OPCML: variants seen among roughly 807,000 people sequenced by gnomAD.
OPCML encodes the protein opioid-binding protein/cell adhesion molecule.
In OPCML, 13 loss-of-function variants were observed where a neutral mutation model predicts 37.8. The observed-to-expected ratio is 0.34, with a 90% CI of 0.22 to 0.55. OPCML has a LOEUF of 0.55. Among genes scored for constraint, OPCML ranks in the 20% least tolerant of loss-of-function variants. The pLI is 0.91. For missense variants in OPCML, 341 were observed against 435.6 expected, an observed-to-expected ratio of 0.78 and a Z score of 1.93; for synonymous variants, 176 against 168.8, an observed-to-expected ratio of 1.04 and a Z score of -0.33.
At chr11:132,455,921 T>C (rs555001899) in intron 4 of OPCML, among the ~76,000 whole-genome samples, 1 of 152,312 alleles carries the variant, frequency 6.6e-6, no homozygotes, top group South Asian at 2.1e-4. Context: ...TTATTGACTG[T>C]CAAACTTAAG....
intron 1 of OPCML, among the ~76,000 whole-genome samples, chr11:133,526,627 T>C (rs1034546842): frequency 6.6e-6 from 1 of 152,194 alleles, no homozygotes; most frequent in African/African-American, 2.4e-5. Flanking sequence ...AATACCACCA[T>C]CTTGGGGTAT....
intron 3 of OPCML, among the ~76,000 whole-genome samples, chr11:132,594,793 C>A (rs1261883141): frequency 1.3e-5 from 2 of 152,114 alleles, no homozygotes; most frequent in African/African-American, 4.8e-5. Context: ...GTCTGATCTT[C>A]ATAAATGAAT....
Position 133,468,724 on chromosome 11 carries a change from G to T in OPCML, c.61+63540C>A, listed in dbSNP as rs372902247. On this transcript the variant is annotated intron_variant, in intron 1 of 7. Coordinates refer to ENST00000524381, the MANE Select transcript of OPCML (RefSeq NM_001012393.5). ...GAGAGAAAAAGGCTTTTTGACAAGCGTTCAAGAGCTCACTTCACAAACACT... is the reference window on the plus strand; with the variant it reads ...GAGAGAAAAAGGCTTTTTGACAAGCTTTCAAGAGCTCACTTCACAAACACT... 4.8e-4 allele frequency among the ~76,000 whole-genome samples: 73 copies of T among 152,262 alleles called. 3 individuals carry two copies. In the South Asian group the frequency reaches 0.014, roughly 30 times the overall value.
chr11:132,625,175 T>TGGG (rs770037498), intron 3 of OPCML, among the ~76,000 whole-genome samples: 49 of 152,182 alleles, frequency 3.2e-4, no homozygotes, highest in Non-Finnish European at 5.7e-4. Context: ...GCCTCCTGTC[T>TGGG]GTTCATTGTT....
At chr11:132,646,663 G>A (rs1047335513) in intron 3 of OPCML, among the ~76,000 whole-genome samples, 6 of 152,104 alleles carry the variant, frequency 3.9e-5, no homozygotes, top group Non-Finnish European at 5.9e-5. Flanking sequence ...TGATAGAGAA[G>A]CAAAAGAGAA....
intron 1 of OPCML, among the ~76,000 whole-genome samples, chr11:132,947,802 C>G (rs1319665081): frequency 6.6e-6 from 1 of 152,200 alleles, no homozygotes; most frequent in Non-Finnish European, 1.5e-5. Flanking sequence ...AACATCATGA[C>G]TAAGAGTATC....
At chr11:132,635,973 C>A (rs140585491) in intron 3 of OPCML, among the ~76,000 whole-genome samples, 8 of 152,042 alleles carry the variant, frequency 5.3e-5, no homozygotes, top group Admixed American at 3.9e-4. Context: ...TACTCCCCCC[C>A]GGATACAAGA....
At chr11:133,066,881 G>A (rs1445990021) in intron 1 of OPCML, 1 of 152,174 alleles carries the variant, frequency 6.6e-6, no homozygotes, top group Admixed American at 6.5e-5. Context: ...GTTTCACAAT[G>A]TTGGCCATGC....
At chr11:133,120,645 G>T (rs1386370928) in intron 1 of OPCML, among the ~76,000 whole-genome samples, 7 of 152,216 alleles carry the variant, frequency 4.6e-5, no homozygotes, top group African/African-American at 1.7e-4. Flanking sequence ...CCTGGCTTCA[G>T]TGACTGTGCT....
rs79728860 is a variant in OPCML, at chr11:132,870,794, G to T, written c.146+72132C>A. 7.7e-3 allele frequency among the ~76,000 whole-genome samples: 1,178 copies of T among 152,250 alleles called. 22 individuals are homozygous for T. Among genetic ancestry groups the T allele is most frequent in the African/African-American group, 0.026 (1,073 of 41,534 alleles). On this transcript the variant is annotated intron_variant, in intron 2 of 7. Transcript: ENST00000524381. Reference sequence around the variant, plus strand: ...GAGTACATTACATTAAGTGAAATAAGCCAGGCATAGAAAGAAAAGTGTTGT... The same window carrying T: ...GAGTACATTACATTAAGTGAAATAATCCAGGCATAGAAAGAAAAGTGTTGT...
intron 2 of OPCML, among the ~76,000 whole-genome samples, chr11:132,829,425 G>A (rs150543922): frequency 6.6e-6 from 1 of 152,278 alleles, no homozygotes; most frequent in Non-Finnish European, 1.5e-5. Flanking sequence ...TACTGAATGA[G>A]TCAATTAATG....
At chr11:133,053,349 C>T (rs966755438) in intron 1 of OPCML, among the ~76,000 whole-genome samples, 3 of 152,216 alleles carry the variant, frequency 2.0e-5, no homozygotes, top group African/African-American at 7.2e-5. Flanking sequence ...ATAAACATCC[C>T]AAACCCTCTC....
intron 1 of OPCML, among the ~76,000 whole-genome samples, chr11:132,969,390 T>A (rs1470029219): frequency 1.3e-5 from 2 of 152,218 alleles, no homozygotes; most frequent in Non-Finnish European, 2.9e-5. Flanking sequence ...TTCCCTATGA[T>A]GCTTATGGGT....
intron 3 of OPCML, among the ~76,000 whole-genome samples, chr11:132,560,561 G>T (rs931543792): frequency 2.6e-5 from 4 of 152,058 alleles, no homozygotes; most frequent in Non-Finnish European, 4.4e-5. Flanking sequence ...ATACATCTTT[G>T]TTTTCTCATA....
chr11:133,001,442 C>T (rs1023281070), intron 1 of OPCML, among the ~76,000 whole-genome samples: 1 of 152,186 alleles, frequency 6.6e-6, no homozygotes, highest in Non-Finnish European at 1.5e-5. Context: ...TGTTTTTCAT[C>T]TGGATGCTAT....
chr11:133,144,098 G>C (rs748687574), intron 1 of OPCML, among the ~76,000 whole-genome samples: 10 of 152,184 alleles, frequency 6.6e-5, no homozygotes, highest in Non-Finnish European at 1.0e-4. Context: ...ACGTTGAAGG[G>C]AGCTTCAAGA....
At chr11:133,204,958 C>T (rs1328396460) in intron 1 of OPCML, among the ~76,000 whole-genome samples, 2 of 146,040 alleles carry the variant, frequency 1.4e-5, no homozygotes, top group African/African-American at 5.0e-5. Context: ...GAACACTGCT[C>T]TGAAAACCCT....
chr11:133,009,894 G>T (rs147778254), intron 1 of OPCML, among the ~76,000 whole-genome samples: 80 of 152,268 alleles, frequency 5.3e-4, no homozygotes, highest in African/African-American at 1.8e-3. Flanking sequence ...GGGGACCCCT[G>T]GGATATCTAC....
intron 2 of OPCML, among the ~76,000 whole-genome samples, chr11:132,755,981 GAA>G (rs1269859466): frequency 1.3e-5 from 2 of 152,104 alleles, no homozygotes; most frequent in Non-Finnish European, 2.9e-5. Flanking sequence ...GAAAATGCAG[GAA>G]ACACCATGTC....
Sources: allele counts gnomAD v4.1 joint callset (sites outside exome capture counted in the v4.1 genomes callset), GRCh38; gene constraint gnomAD v4.1.1; transcripts MANE v1.5; gene names NCBI Gene and HGNC (gene_info 2026-07-23, HGNC 2026-07-21).